TRIM67: variants seen among roughly 807,000 people sequenced by gnomAD.
The protein encoded by TRIM67 is tripartite motif-containing protein 67.
A neutral mutation model predicts 71.0 loss-of-function variants in TRIM67; 39 were observed. The observed-to-expected ratio is 0.55, with a 90% CI of 0.43 to 0.72. The LOEUF (loss-of-function observed/expected upper bound fraction) is 0.72, where lower values mean the gene tolerates loss of function less well. TRIM67 is among the 30% of genes least tolerant of loss of function. The probability of loss-of-function intolerance (pLI) is 0.00; values close to 1 mark genes in which losing one functional copy is unlikely to be tolerated. For synonymous variants in TRIM67, 481 were observed against 473.9 expected (o/e 1.01, Z -0.19); for missense variants, 973 against 1,079.2 (o/e 0.90, Z 1.38).
In TRIM67 at chr1:231,215,402, C is replaced by T. The variant is rs751720034; in HGVS notation, c.2314C>T (p.Pro772Ser). ...QVTLHTGLEV[P>S]TNLGRPKLSG... ...CACCCTGCACACAGGATTGGAAGTG[C>T]CGACTAACCTGGGGCGGCCAAAGCT... Residue 772 changes from proline to serine, a missense_variant, in exon 10 of 10, where the codon CCG becomes TCG. Coordinates refer to ENST00000366653, the MANE Select transcript of TRIM67 (RefSeq NM_001004342.5). 2 of 1,612,410 alleles carry T rather than the reference C, an allele frequency of 1.2e-6. No individual in the cohort carries two copies. Among genetic ancestry groups the T allele is most frequent in the South Asian group, 2.2e-5 (2 of 90,802 alleles).
chr1:231,211,116 G>T (rs2102762954), intron 8 of TRIM67, among the ~76,000 whole-genome samples: 1 of 151,676 alleles, frequency 6.6e-6, no homozygotes, highest in South Asian at 2.1e-4. Flanking sequence ...CAACGGCTCG[G>T]GTCACGCGGC....
In TRIM67 at chr1:231,208,897, T is replaced by C. The variant is rs369129308; in HGVS notation, c.1820-50T>C. The stretch of plus-strand genomic sequence containing the variant: ...TGTCTCTGAGCCGGTTAGAAACTAC[T>C]AGCAAATTCCATCCCCTGACCCTGC... On this transcript the variant is annotated intron_variant, in intron 7 of 9. Coordinates refer to ENST00000366653, the MANE Select transcript of TRIM67 (RefSeq NM_001004342.5). 310 of 1,506,960 alleles carry C rather than the reference T, an allele frequency of 2.1e-4. 2 individuals are homozygous for C. The East Asian group carries it at 5.2e-3, about 25-fold the overall frequency. The allele number at this position is 1,506,960 out of a possible 1,614,324, so 93.3% of individuals were successfully genotyped here. A position where few individuals can be genotyped will look rare whatever the true frequency, so the allele number is the denominator to read the frequency against.
At position 231,162,740 on chromosome 1, in the gene TRIM67, C is replaced by G; in HGVS notation, c.-230C>G. On this transcript the variant is annotated 5_prime_UTR_variant, in exon 1 of 10. Coordinates refer to ENST00000366653, the MANE Select transcript of TRIM67 (RefSeq NM_001004342.5). ...AGGTTGAAGCCGCTGGTGCGGGACC[C>G]TCGGGCAGGAGGTGAGGACCCCCTC... is the stretch of plus-strand genomic sequence containing the variant. The G allele has an allele frequency of 1.8e-6, 1 of 560,404 alleles. No homozygotes were observed. The allele number at this position is 560,404 out of a possible 1,614,324, so 34.7% of individuals were successfully genotyped here.
At position 231,217,572 on chromosome 1, in the gene TRIM67, G is replaced by A. The variant is rs1477005941; in HGVS notation, c.*2132G>A. On this transcript the variant is annotated 3_prime_UTR_variant, in exon 10 of 10. Transcript: ENST00000366653. ...CCAAGGAAGCCATCAGCTTTGGGAAGTGTCTAGCTCTCTTCTGAAAAAAAA... is the reference window on the plus strand; with the variant it reads ...CCAAGGAAGCCATCAGCTTTGGGAAATGTCTAGCTCTCTTCTGAAAAAAAA... The A allele has an allele frequency of 4.7e-5, 48 of 1,017,154 alleles. No homozygotes were observed. The highest frequency in any genetic ancestry group is 5.7e-5 in the Non-Finnish European group (48 of 847,958). 63.0% of individuals were successfully genotyped at this position (1,017,154 alleles called of 1,614,324 possible). A position where few individuals can be genotyped will look rare whatever the true frequency, so the allele number is the denominator to read the frequency against.
At chr1:231,189,882 C>T (rs1351726216) in intron 1 of TRIM67, among the ~76,000 whole-genome samples, 1 of 152,190 alleles carries the variant, frequency 6.6e-6, no homozygotes, top group African/African-American at 2.4e-5. Context: ...AGGAAGGGGC[C>T]GCAAGCCAAG....
chr1:231,197,966 G>A (rs1683413226), intron 2 of TRIM67, among the ~76,000 whole-genome samples: 1 of 152,144 alleles, frequency 6.6e-6, no homozygotes, highest in South Asian at 2.1e-4. Flanking sequence ...ATAGCCTTGG[G>A]TGCTGAAAGT....
rs1684085443 is a variant in TRIM67, at chr1:231,219,226, T to C, written c.*3786T>C. Reference sequence around the variant, plus strand: ...ATTTTGCGATAGGTTCTGTATGCCGTAGGATGTTTAGCAACATCCCTGGTC... The same window carrying C: ...ATTTTGCGATAGGTTCTGTATGCCGCAGGATGTTTAGCAACATCCCTGGTC... On this transcript the variant is annotated 3_prime_UTR_variant, in exon 10 of 10. Coordinates refer to ENST00000366653, the MANE Select transcript of TRIM67 (RefSeq NM_001004342.5). 1 of 983,464 alleles carries C rather than the reference T, an allele frequency of 1.0e-6. No individual in the cohort carries two copies. The highest frequency in any genetic ancestry group is 1.7e-5 in the African/African-American group (1 of 57,180). The allele number at this position is 983,464 out of a possible 1,614,324, so 60.9% of individuals were successfully genotyped here.
intron 6 of TRIM67, among the ~76,000 whole-genome samples, chr1:231,205,698 C>G (rs958545903): frequency 2.7e-5 from 4 of 150,494 alleles, no homozygotes. Context: ...TGCACTCCAG[C>G]CTGGGTGACA....
intron 1 of TRIM67, among the ~76,000 whole-genome samples, chr1:231,175,221 A>G (rs1426179906): frequency 6.6e-6 from 1 of 152,210 alleles, no homozygotes; most frequent in Non-Finnish European, 1.5e-5. Flanking sequence ...TGCAGCTATC[A>G]GTGATGAGTG....
intron 1 of TRIM67, among the ~76,000 whole-genome samples, chr1:231,194,858 A>G (rs1381210483): frequency 6.6e-6 from 1 of 151,936 alleles, no homozygotes; most frequent in Non-Finnish European, 1.5e-5. Context: ...AATTTTTAAA[A>G]TTTTTTTATA....
rs151283442 is a variant in TRIM67, at chr1:231,176,629, G to T, written c.1044+12616G>T. Among the ~76,000 whole-genome samples, 32 of 152,252 alleles carry T rather than the reference G, an allele frequency of 2.1e-4. 1 individual carries two copies. The East Asian group carries it at 6.2e-3, about 29-fold the overall frequency. ...TTACACAAAGCAGAGAAACATTGAT[G>T]AATATGATGCCATGTCTAATAAAAA... On this transcript the variant is annotated intron_variant, in intron 1 of 9. Transcript: ENST00000366653.
chr1:231,171,808 A>G (rs1682625957), intron 1 of TRIM67, among the ~76,000 whole-genome samples: 1 of 152,336 alleles, frequency 6.6e-6, no homozygotes, highest in Admixed American at 6.5e-5. Flanking sequence ...TTTGCAAAAA[A>G]ACAAGTCTGG....
chr1:231,216,124 A>G lies in TRIM67; in HGVS notation c.*684A>G. 2 of 981,472 alleles carry G rather than the reference A, an allele frequency of 2.0e-6. No individual in the cohort carries two copies. The allele number at this position is 981,472 out of a possible 1,614,324, so 60.8% of individuals were successfully genotyped here. A position where few individuals can be genotyped will look rare whatever the true frequency, so the allele number is the denominator to read the frequency against. ...TTGTGTTCTCTCTCTCTCTTCCTCCATCCTTCATTTCTTCTCCCTCCCTCC... is the reference window on the plus strand; with the variant it reads ...TTGTGTTCTCTCTCTCTCTTCCTCCGTCCTTCATTTCTTCTCCCTCCCTCC... On this transcript the variant is annotated 3_prime_UTR_variant, in exon 10 of 10. Coordinates refer to ENST00000366653, the MANE Select transcript of TRIM67 (RefSeq NM_001004342.5).
chr1:231,219,181 G>T lies in TRIM67; in HGVS notation c.*3741G>T. On this transcript the variant is annotated 3_prime_UTR_variant, in exon 10 of 10. Transcript: ENST00000366653. ...GCACAGCCCGTGGGGTGGCGCCAGGGTTTCTCAACCTCTACTGACATTTTG... is the reference window on the plus strand; with the variant it reads ...GCACAGCCCGTGGGGTGGCGCCAGGTTTTCTCAACCTCTACTGACATTTTG... 1.0e-6 allele frequency: 1 copy of T among 985,446 alleles called. No individual in the cohort carries two copies. Among genetic ancestry groups the T allele is most frequent in the Non-Finnish European group, 1.2e-6 (1 of 830,060 alleles). 61.0% of individuals were successfully genotyped at this position (985,446 alleles called of 1,614,324 possible).
chr1:231,203,919 C>A lies in TRIM67; in HGVS notation c.1587C>A (p.Ser529Arg). 1 of 1,613,954 alleles carries A rather than the reference C, an allele frequency of 6.2e-7. No homozygotes were observed. Among genetic ancestry groups the A allele is most frequent in the Non-Finnish European group, 8.5e-7 (1 of 1,179,874 alleles). The stretch of plus-strand genomic sequence containing the variant: ...AGAAATGCTGCACCCGTAACAACAG[C>A]GTCACGCTGGCCTGGAGGATGCCAC... ...QLEKCCTRNN[S>R]VTLAWRMPPF... The change falls in exon 6 of 10, where the codon AGC (serine) becomes AGA (arginine). Residue 529 changes from serine to arginine, a missense_variant. By Grantham distance (110) the Ser-to-Arg change is moderately radical. Around this residue, in one of 2 missense-constraint regions of TRIM67, gnomAD observed 795 missense variants for 831.3 expected, o/e 0.96. Transcript: ENST00000366653.
chr1:231,176,711 A>T (rs1007269783), intron 1 of TRIM67, among the ~76,000 whole-genome samples: 3 of 152,224 alleles, frequency 2.0e-5, no homozygotes, highest in South Asian at 2.1e-4. Flanking sequence ...CTGGATCTGG[A>T]GACAATGGGG....
At position 231,200,243 on chromosome 1, in the gene TRIM67, C is replaced by G; in HGVS notation, c.1359C>G (p.Pro453=). 1 of 1,612,942 alleles carries G rather than the reference C, an allele frequency of 6.2e-7. No individual in the cohort carries two copies. Among genetic ancestry groups the G allele is most frequent in the Non-Finnish European group, 8.5e-7 (1 of 1,179,020 alleles). ...TGGAGGTGATCAAGGAGAACGACCCCTCCGGGTTCTTACAGGTGAGCCTGT... is the reference window on the plus strand; with the variant it reads ...TGGAGGTGATCAAGGAGAACGACCCGTCCGGGTTCTTACAGGTGAGCCTGT... ...YCLEVIKEND[P]SGFLQISDAL... is the part of the protein sequence containing the mutation. Residue 453 remains proline (P), a synonymous_variant, in exon 4 of 10, where the codon CCC becomes CCG. Transcript: ENST00000366653.
chr1:231,174,333 A>ATTT (rs111838016), intron 1 of TRIM67, among the ~76,000 whole-genome samples: 26 of 138,818 alleles, frequency 1.9e-4, no homozygotes, highest in African/African-American at 6.8e-4. Flanking sequence ...AAATTTGCTA[A>ATTT]TTTTTTTTTT....
At chr1:231,198,155 A>T (rs960162972) in intron 2 of TRIM67, among the ~76,000 whole-genome samples, 1 of 152,220 alleles carries the variant, frequency 6.6e-6, no homozygotes, top group Admixed American at 6.5e-5. Flanking sequence ...TCATCAATGC[A>T]TCAAAATATA....
Sources: allele counts gnomAD v4.1 joint callset (sites outside exome capture counted in the v4.1 genomes callset), GRCh38; gene constraint gnomAD v4.1.1; regional missense constraint gnomAD v4.1.1; transcripts MANE v1.5; gene names NCBI Gene and HGNC (gene_info 2026-07-23, HGNC 2026-07-21).